Variants in KDM4A observed in about 807,000 individuals in gnomAD.
KDM4A encodes the protein lysine demethylase 4A.
Under a neutral mutation model 127.1 loss-of-function variants are expected in KDM4A, and 23 were observed. The observed-to-expected ratio is 0.18, with a 90% CI of 0.13 to 0.26. The LOEUF (loss-of-function observed/expected upper bound fraction) is 0.26, where lower values mean the gene tolerates loss of function less well. KDM4A is among the 10% of genes least tolerant of loss of function. The pLI, the probability that KDM4A is intolerant of heterozygous loss-of-function variation, is 1.00. For missense variants in KDM4A, 890 were observed against 1,329.1 expected (o/e 0.67, Z 5.14); for synonymous variants, 443 against 466.5 (o/e 0.95, Z 0.65).
chr1:43,678,156 A>T (rs1660782044), intron 11 of KDM4A, among the ~76,000 whole-genome samples: 1 of 152,102 alleles, frequency 6.6e-6, no homozygotes, highest in Non-Finnish European at 1.5e-5. Context: ...GTGGGCCAGG[A>T]AATGAGTTGA....
At chr1:43,704,175 T>C in intron 21 of KDM4A, 55 bp from the exon 22 acceptor site, 2 of 1,613,564 alleles carry the variant, frequency 1.2e-6, no homozygotes, top group African/African-American at 1.3e-5. Flanking sequence ...CAAGGATGCA[T>C]CCCTTTGTAT....
rs1386653542 is a variant in KDM4A, at chr1:43,671,502, C to T, written c.1364-3C>T. 4 of 1,544,980 alleles carry T rather than the reference C, an allele frequency of 2.6e-6. No individual in the cohort carries two copies. The highest frequency in any genetic ancestry group is 3.5e-6 in the Non-Finnish European group (4 of 1,147,390). On this transcript the variant is annotated splice_polypyrimidine_tract_variant and splice_region_variant and intron_variant, in intron 10 of 21. Transcript: ENST00000372396. ...CTCTGTCTAATGTGTATGTGTGTTT[C>T]AGATTATTCTGACTCCACTGAAGTC...
chr1:43,699,162 T>A (rs956088567), intron 19 of KDM4A, among the ~76,000 whole-genome samples: 2 of 151,518 alleles, frequency 1.3e-5, no homozygotes, highest in African/African-American at 4.9e-5. Context: ...AGTGGCTGTA[T>A]CATAGCTCCT....
At position 43,704,045 on chromosome 1, in the gene KDM4A, T is replaced by A. The variant is rs778054012; in HGVS notation, c.2987T>A (p.Leu996His). 70 of 1,614,016 alleles carry A rather than the reference T, an allele frequency of 4.3e-5. No individual in the cohort carries two copies. Among genetic ancestry groups the A allele is most frequent in the Non-Finnish European group, 5.8e-5 (69 of 1,180,014 alleles). The change falls in exon 21 of 22, where the codon CTT (leucine) becomes CAT (histidine). Residue 996 changes from leucine to histidine, a missense_variant. Physicochemically the swap from Leu to His is moderately conservative, Grantham distance 99. This residue lies in a region of KDM4A where 246 missense variants were observed against 418.4 expected (regional missense o/e 0.59). Transcript: ENST00000372396. ...GTGGAGTTTGAGGATGGCTCACAAC[T>A]TGTGGTTAAGAGAGATGATGTATAC... is the stretch of plus-strand genomic sequence containing the variant. ...YQVEFEDGSQ[L>H]VVKRDDVYTL...
In KDM4A at chr1:43,703,691, C is replaced by G; in HGVS notation, c.2916C>G (p.Val972=). The change falls in exon 20 of 22, where the codon GTC becomes GTG. Residue 972 remains valine, a synonymous_variant. Coordinates refer to ENST00000372396, the MANE Select transcript of KDM4A (RefSeq NM_014663.3). ...AAGTGAGATGGACAGACGGCCAAGT[C>G]TATGGAGCCAAGTTTGTGGCCTCCC... ...VVQVRWTDGQ[V]YGAKFVASHP... 1 of 1,614,146 alleles carries G rather than the reference C, an allele frequency of 6.2e-7. No homozygotes were observed. The highest frequency in any genetic ancestry group is 8.5e-7 in the Non-Finnish European group (1 of 1,180,022).
At chr1:43,650,688 C>G (rs925590848) in intron 1 of KDM4A, 1 of 152,306 alleles carries the variant, frequency 6.6e-6, no homozygotes, top group Admixed American at 6.5e-5. Context: ...AGTACCGGGC[C>G]TAGTGCTTAG....
At chr1:43,667,586 T>A (rs138326405) in intron 8 of KDM4A, among the ~76,000 whole-genome samples, 186 bp from the exon 9 acceptor site, 249 of 152,322 alleles carry the variant, frequency 1.6e-3, no homozygotes, top group African/African-American at 5.7e-3. Flanking sequence ...TCTGCCTTTT[T>A]TTCCCTGCTT....
chr1:43,686,212 G>T (rs1333264689), intron 12 of KDM4A, among the ~76,000 whole-genome samples: 2 of 135,142 alleles, frequency 1.5e-5, no homozygotes, highest in African/African-American at 5.5e-5. Context: ...AGGCTGGAGT[G>T]CAGTGGTGTG....
chr1:43,654,804 A>G (rs1292786680), intron 2 of KDM4A, among the ~76,000 whole-genome samples: 1 of 151,100 alleles, frequency 6.6e-6, no homozygotes, highest in East Asian at 1.9e-4. Flanking sequence ...AAAGCTGTAT[A>G]GTATTCCATA....
In KDM4A at chr1:43,662,992, G is replaced by A. The variant is rs751883272; in HGVS notation, c.528G>A (p.Leu176=). The A allele has an allele frequency of 1.2e-6, 2 of 1,614,050 alleles. No individual in the cohort carries two copies. The highest frequency in any genetic ancestry group is 2.2e-5 in the East Asian group (1 of 44,898). ...TTGAGGGTGTGAACACCCCATACCT[G>A]TACTTTGGCATGTGGAAGACATCCT... The part of the protein sequence containing the change: ...ITIEGVNTPY[L]YFGMWKTSFA... Residue 176 remains leucine, a synonymous_variant, in exon 5 of 22, where the codon CTG becomes CTA. Coordinates refer to ENST00000372396, the MANE Select transcript of KDM4A (RefSeq NM_014663.3).
At chr1:43,700,822 A>G (rs1361329354) in intron 19 of KDM4A, among the ~76,000 whole-genome samples, 1 of 150,742 alleles carries the variant, frequency 6.6e-6, no homozygotes, top group East Asian at 1.9e-4. Context: ...TGGATCTTTC[A>G]CCCATGCATC....
At chr1:43,698,775 G>C (rs1001878268) in intron 19 of KDM4A, among the ~76,000 whole-genome samples, 4 of 152,160 alleles carry the variant, frequency 2.6e-5, no homozygotes, top group African/African-American at 9.7e-5. Flanking sequence ...CATAGCAGTA[G>C]CATAGCTATC....
At chr1:43,672,913 C>A (rs1660657607) in intron 11 of KDM4A, among the ~76,000 whole-genome samples, 1 of 152,142 alleles carries the variant, frequency 6.6e-6, no homozygotes, top group Non-Finnish European at 1.5e-5. Flanking sequence ...ATGAGATGAC[C>A]TTTCTTACCT....
At chr1:43,652,679 CTTTTT>C (rs771216218) in intron 1 of KDM4A, among the ~76,000 whole-genome samples, 2 of 118,768 alleles carry the variant, frequency 1.7e-5, no homozygotes, top group Non-Finnish European at 1.8e-5. Flanking sequence ...TTCTTTCTTT[CTTTTT>C]TTTTTTTTTT....
intron 5 of KDM4A, among the ~76,000 whole-genome samples, chr1:43,664,554 A>C (rs890970769): frequency 6.6e-6 from 1 of 152,030 alleles, no homozygotes; most frequent in African/African-American, 2.4e-5. Flanking sequence ...AACCATATCC[A>C]CTTTCAGGTC....
intron 13 of KDM4A, 47 bp from the exon 14 acceptor site, chr1:43,690,798 G>A: frequency 6.4e-7 from 1 of 1,558,656 alleles, no homozygotes; most frequent in South Asian, 1.1e-5. Flanking sequence ...AAAGCTAAGA[G>A]CATAGGCACG....
chr1:43,662,758 C>T (rs1346336628), intron 4 of KDM4A, 136 bp from the exon 5 acceptor site: 3 of 698,048 alleles, frequency 4.3e-6, no homozygotes, highest in Non-Finnish European at 7.2e-6. Flanking sequence ...ATGGTCTTCA[C>T]GTCCATAGTG....
At chr1:43,698,750 G>A (rs1303628613) in intron 19 of KDM4A, among the ~76,000 whole-genome samples, 4 of 152,156 alleles carry the variant, frequency 2.6e-5, no homozygotes, top group East Asian at 1.9e-4. Context: ...TAGAAAAGGC[G>A]ACATTAGTAG....
intron 18 of KDM4A, among the ~76,000 whole-genome samples, chr1:43,696,045 G>A (rs538802591): frequency 2.6e-5 from 4 of 152,322 alleles, no homozygotes; most frequent in African/African-American, 7.2e-5. Flanking sequence ...GTAACTGTGA[G>A]GGTAAAGATT....
Sources: gnomAD v4.1 joint callset for allele counts (sites outside exome capture counted in the v4.1 genomes callset) on GRCh38, gnomAD v4.1.1 for gene constraint, gnomAD v4.1.1 regional missense constraint, MANE v1.5 for transcripts, NCBI Gene and HGNC (gene_info 2026-07-23, HGNC 2026-07-21) for gene names.